Variants in CCSER2 observed in about 807,000 individuals in gnomAD.
The protein encoded by CCSER2 is coiled-coil serine rich protein 2, also known as serine-rich coiled-coil domain-containing protein 2.
A neutral mutation model predicts 92.3 loss-of-function variants in CCSER2; 46 were observed. The observed-to-expected ratio is 0.50, with a 90% CI of 0.39 to 0.64. The LOEUF (loss-of-function observed/expected upper bound fraction) is 0.64, where lower values mean the gene tolerates loss of function less well. CCSER2 is among the 30% of genes least tolerant of loss of function. The pLI, the probability that CCSER2 is intolerant of heterozygous loss-of-function variation, is 0.00. For missense variants in CCSER2, 1,244 were observed against 1,238.9 expected, an observed-to-expected ratio of 1.00 and a Z score of -0.06; for synonymous variants, 433 against 431.4, an observed-to-expected ratio of 1.00 and a Z score of -0.04.
At chr10:84,397,942 A>G (rs1841927579) in intron 3 of CCSER2, among the ~76,000 whole-genome samples, 1 of 152,212 alleles carries the variant, frequency 6.6e-6, no homozygotes, top group Non-Finnish European at 1.5e-5. Context: ...AGAAACAAAT[A>G]AGCCTAATTA....
chr10:84,379,185 C>T (rs564792222), intron 3 of CCSER2, among the ~76,000 whole-genome samples: 8 of 152,074 alleles, frequency 5.3e-5, no homozygotes, highest in East Asian at 1.9e-4. Context: ...TATGTATATT[C>T]GTGTTGGTTT....
intron 6 of CCSER2, among the ~76,000 whole-genome samples, chr10:84,443,099 C>T (rs151080743): frequency 5.8e-4 from 89 of 152,160 alleles, no homozygotes; most frequent in African/African-American, 1.9e-3. Flanking sequence ...AAAGACATCA[C>T]GACTAAAACA....
chr10:84,395,732 T>A (rs1841790532), intron 3 of CCSER2, among the ~76,000 whole-genome samples: 1 of 152,192 alleles, frequency 6.6e-6, no homozygotes. Context: ...AATAGCATGA[T>A]AACATTAGAC....
chr10:84,496,216 G>A (rs12411858), intron 9 of CCSER2, among the ~76,000 whole-genome samples: 5 of 151,862 alleles, frequency 3.3e-5, no homozygotes, highest in Non-Finnish European at 4.4e-5. Flanking sequence ...TTTTTTATGC[G>A]TATTTTAAGA....
chr10:84,367,027 C>A (rs1845808754), intron 1 of CCSER2, among the ~76,000 whole-genome samples: 1 of 152,082 alleles, frequency 6.6e-6, no homozygotes, highest in Non-Finnish European at 1.5e-5. Flanking sequence ...GAGGCTCCAG[C>A]ATTTCTTTGG....
chr10:84,448,364 TG>T (rs1845059817), intron 6 of CCSER2, among the ~76,000 whole-genome samples: 1 of 152,160 alleles, frequency 6.6e-6, no homozygotes, highest in South Asian at 2.1e-4. Context: ...AATATCAAGC[TG>T]TTTCCCCACC....
At chr10:84,447,668 C>G (rs762781305) in intron 6 of CCSER2, among the ~76,000 whole-genome samples, 5 of 152,146 alleles carry the variant, frequency 3.3e-5, no homozygotes, top group Non-Finnish European at 5.9e-5. Flanking sequence ...AGAATTTTGA[C>G]CTTCACAATT....
intron 1 of CCSER2, among the ~76,000 whole-genome samples, chr10:84,354,553 G>GCCCCCCT (rs975142073): frequency 1.6e-5 from 1 of 63,962 alleles, no homozygotes; most frequent in Non-Finnish European, 3.0e-5. Flanking sequence ...CCCGCCCCCC[G>GCCCCCCT]CCCCGCTTCC....
chr10:84,422,649 AC>A (rs1278027611), intron 4 of CCSER2, among the ~76,000 whole-genome samples: 1 of 152,248 alleles, frequency 6.6e-6, no homozygotes, highest in East Asian at 1.9e-4. Context: ...CTTGAAGTTC[AC>A]CAGTTTTTTT....
intron 8 of CCSER2, among the ~76,000 whole-genome samples, chr10:84,475,415 T>A (rs761154050): frequency 3.3e-5 from 5 of 152,206 alleles, no homozygotes; most frequent in Non-Finnish European, 4.4e-5. Context: ...GGAAAACTCA[T>A]ATATTTGCCA....
At chr10:84,419,060 A>T (rs1843011406) in intron 4 of CCSER2, among the ~76,000 whole-genome samples, 1 of 152,144 alleles carries the variant, frequency 6.6e-6, no homozygotes, top group African/African-American at 2.4e-5. Flanking sequence ...AAAACGTAAG[A>T]TTTACAGAAG....
chr10:84,349,657 G>A (rs1398631342), intron 1 of CCSER2, among the ~76,000 whole-genome samples: 1 of 152,188 alleles, frequency 6.6e-6, no homozygotes, highest in Admixed American at 6.5e-5. Flanking sequence ...ACTCCAGAGT[G>A]GGACGACAGA....
intron 3 of CCSER2, among the ~76,000 whole-genome samples, chr10:84,374,495 C>A (rs1465726020): frequency 6.6e-6 from 1 of 152,072 alleles, no homozygotes; most frequent in Non-Finnish European, 1.5e-5. Flanking sequence ...GAGGGTCTCA[C>A]ACATATAATT....
intron 3 of CCSER2, among the ~76,000 whole-genome samples, chr10:84,393,006 C>G (rs540144973): frequency 6.6e-6 from 1 of 152,198 alleles, no homozygotes; most frequent in African/African-American, 2.4e-5. Context: ...TAGAGTGAGA[C>G]TGGTATTCAT....
At chr10:84,439,663 C>CTCTCCA (rs1844406605) in intron 6 of CCSER2, among the ~76,000 whole-genome samples, 1 of 152,212 alleles carries the variant, frequency 6.6e-6, no homozygotes, top group African/African-American at 2.4e-5. Flanking sequence ...TGTACTACTT[C>CTCTCCA]TCTCCATTCT....
intron 3 of CCSER2, chr10:84,390,798 T>C (rs138417170): frequency 5.4e-4 from 263 of 486,248 alleles, no homozygotes; most frequent in African/African-American, 4.8e-3. Flanking sequence ...TATTAATACA[T>C]GGATTATTTG....
chr10:84,417,952 A>G, intron 4 of CCSER2, 91 bp downstream of exon 4: 1 of 720,170 alleles, frequency 1.4e-6, no homozygotes, highest in South Asian at 1.5e-5. Context: ...AGACTTCTTA[A>G]TCTTAATGGA....
At chr10:84,402,735 C>G (rs1842184941) in intron 3 of CCSER2, among the ~76,000 whole-genome samples, 1 of 152,124 alleles carries the variant, frequency 6.6e-6, no homozygotes, top group South Asian at 2.1e-4. Context: ...GAGAACAAGA[C>G]AAATATGTCC....
At chr10:84,502,050 G>A (rs1777112) in intron 9 of CCSER2, among the ~76,000 whole-genome samples, 11,336 of 148,882 alleles carry the variant, frequency 0.076, 490 homozygotes, top group Middle Eastern at 0.13. Context: ...GGGGAAATAT[G>A]CTCTAAACTA....
Sources: allele counts gnomAD v4.1 joint callset (sites outside exome capture counted in the v4.1 genomes callset), GRCh38; gene constraint gnomAD v4.1.1; transcripts MANE v1.5; gene names NCBI Gene and HGNC (gene_info 2026-07-23, HGNC 2026-07-21).